RIN3: variants seen among roughly 807,000 people sequenced by gnomAD.
RIN3 encodes Ras and Rab interactor 3.
A neutral mutation model predicts 76.3 loss-of-function variants in RIN3; 54 were observed. That is an observed-to-expected ratio of 0.71 (90% CI 0.57 to 0.89). The LOEUF is 0.89. Ranked by LOEUF, RIN3 falls within the 40% of genes least tolerant of loss-of-function variation. RIN3 has a pLI of 0.00. For synonymous variants in RIN3, 576 were observed against 564.0 expected, an observed-to-expected ratio of 1.02 and a Z score of -0.30; for missense variants, 1,256 against 1,322.1, an observed-to-expected ratio of 0.95 and a Z score of 0.78.
intron 4 of RIN3, among the ~76,000 whole-genome samples, chr14:92,637,046 T>C (rs1243512827): frequency 2.0e-5 from 3 of 152,170 alleles, no homozygotes; most frequent in Non-Finnish European, 2.9e-5. Context: ...ACCACTTTCG[T>C]GGAAGACAAT....
In RIN3 at chr14:92,648,370, A is replaced by G; in HGVS notation, c.533-3212A>G. Among the ~76,000 whole-genome samples, 1 of 152,162 alleles carries G rather than the reference A, an allele frequency of 6.6e-6. No homozygotes were observed. Among genetic ancestry groups the G allele is most frequent in the African/African-American group, 2.4e-5 (1 of 41,446 alleles). ...AAAATCCACACCTGAGCAATGGGAA[A>G]TGTTGTCTTCTGTTCTGTGCCTAAT... On this transcript the variant is annotated intron_variant, in intron 5 of 9. Transcript: ENST00000216487. The surrounding 1 kb of genome is among the most constrained non-coding windows in gnomAD (Gnocchi z 4.1).
chr14:92,598,630 C>A (rs1885235134), intron 3 of RIN3, among the ~76,000 whole-genome samples: 1 of 152,148 alleles, frequency 6.6e-6, no homozygotes, highest in South Asian at 2.1e-4. Context: ...AGGATTTAAA[C>A]CCCAGAAACC....
chr14:92,563,475 C>T (rs1037559249), intron 2 of RIN3, among the ~76,000 whole-genome samples: 1 of 152,168 alleles, frequency 6.6e-6, no homozygotes, highest in African/African-American at 2.4e-5. Context: ...AGCACCATCT[C>T]TCATTTTTCC....
intron 3 of RIN3, among the ~76,000 whole-genome samples, chr14:92,588,456 C>A (rs1884860326): frequency 1.3e-5 from 2 of 151,904 alleles, no homozygotes; most frequent in Non-Finnish European, 2.9e-5. Context: ...GAATTCCCAA[C>A]CTCAGGTGAT....
Position 92,659,227 on chromosome 14 carries a change from G to T in RIN3, c.2093G>T (p.Cys698Phe). 2 of 1,614,188 alleles carry T rather than the reference G, an allele frequency of 1.2e-6. No individual in the cohort carries two copies. The highest frequency in any genetic ancestry group is 1.7e-6 in the Non-Finnish European group (2 of 1,180,024). ...CCCCTGAAGGAAGCCATCAACTCAT[G>T]CCTGCATCAGATCCACAGCAAGGAT... ...LKPLKEAINS[C>F]LHQIHSKDGS... is the part of the protein sequence containing the mutation. Residue 698 changes from cysteine (C) to phenylalanine (F), a missense_variant, in exon 7 of 10, where the codon TGC (cysteine) becomes TTC (phenylalanine). Cys to Phe is a radical substitution (Grantham distance 205). This residue lies in a region of RIN3 where 428 missense variants were observed against 521.2 expected (regional missense o/e 0.82). Coordinates refer to ENST00000216487, the MANE Select transcript of RIN3 (RefSeq NM_024832.5).
At chr14:92,650,740 C>T (rs75470196) in intron 5 of RIN3, among the ~76,000 whole-genome samples, 5,973 of 152,282 alleles carry the variant, frequency 0.039, 332 homozygotes, top group African/African-American at 0.12. Flanking sequence ...GAGCCTCCGT[C>T]AGATGCTTGG....
At chr14:92,657,646 G>A (rs12879040) in intron 6 of RIN3, among the ~76,000 whole-genome samples, 38,977 of 152,060 alleles carry the variant, frequency 0.26, 6,277 homozygotes, top group East Asian at 0.44. Context: ...CCAGGACAGT[G>A]GGGAAGTTCA....
chr14:92,566,836 G>A (rs751867873), intron 2 of RIN3, among the ~76,000 whole-genome samples: 9 of 152,102 alleles, frequency 5.9e-5, no homozygotes, highest in African/African-American at 9.7e-5. Flanking sequence ...CCCCTTTCCC[G>A]TCTCCTTACC....
At chr14:92,582,009 G>A (rs1418881759) in intron 3 of RIN3, among the ~76,000 whole-genome samples, 2 of 152,186 alleles carry the variant, frequency 1.3e-5, no homozygotes, top group East Asian at 3.8e-4. Context: ...TGGAGGACGA[G>A]GAAACTGATC....
rs1887279256 is a variant in RIN3 at position 92,648,370 on chromosome 14, ATGTTGTCTTCTGTTC to A, written c.533-3208_533-3194del. Among the ~76,000 whole-genome samples, 1 of 152,162 alleles carries A rather than the reference ATGTTGTCTTCTGTTC, an allele frequency of 6.6e-6. No individual in the cohort carries two copies. Among genetic ancestry groups the A allele is most frequent in the African/African-American group, 2.4e-5 (1 of 41,446 alleles). On this transcript the variant is annotated intron_variant, in intron 5 of 9. Coordinates refer to ENST00000216487, the MANE Select transcript of RIN3 (RefSeq NM_024832.5). This position sits in a 1 kb window ranked among gnomAD's most constrained non-coding sequence, Gnocchi z 4.1. ...AAAATCCACACCTGAGCAATGGGAA[ATGTTGTCTTCTGTTC>A]TGTGCCTAATGGAGCCATCCTGTCC...
chr14:92,685,393 G>A lies in RIN3; in HGVS notation c.2631+243G>A. ...ATTGGTGTTCTCCCTGGGCAAGCAG[G>A]AAGGGTGCAGGAGGAATGAGACACA... On this transcript the variant is annotated intron_variant, in intron 9 of 9. Transcript: ENST00000216487. This position sits in a 1 kb window ranked among gnomAD's most constrained non-coding sequence, Gnocchi z 4.7. The A allele has an allele frequency of 1.9e-6, 1 of 529,000 alleles. No homozygotes were observed. The highest frequency in any genetic ancestry group is 3.4e-6 in the Non-Finnish European group (1 of 292,108). 32.8% of individuals were successfully genotyped at this position (529,000 alleles called of 1,614,324 possible). A position where few individuals can be genotyped will look rare whatever the true frequency, so the allele number is the denominator to read the frequency against.
chr14:92,558,242 G>A lies in RIN3; in HGVS notation c.249+2287G>A, dbSNP rs572713176. On this transcript the variant is annotated intron_variant, in intron 2 of 9. Transcript: ENST00000216487. ...TGTGCACTTGTAATCCCAGCTATTC[G>A]GGAGGCTGAGGTGGGAGAATTACTT... 1.8e-4 allele frequency among the ~76,000 whole-genome samples: 28 copies of A among 152,214 alleles called. No individual in the cohort carries two copies. The South Asian group carries it at 3.5e-3, about 19-fold the overall frequency.
At chr14:92,658,295 C>T (rs571195522) in intron 6 of RIN3, among the ~76,000 whole-genome samples, 11 of 152,326 alleles carry the variant, frequency 7.2e-5, no homozygotes, top group South Asian at 6.2e-4. Context: ...GCCATGTGGA[C>T]GACTGCGAGG....
intron 3 of RIN3, among the ~76,000 whole-genome samples, chr14:92,578,918 T>G (rs1229565810): frequency 6.6e-6 from 1 of 152,060 alleles, no homozygotes; most frequent in African/African-American, 2.4e-5. Context: ...ATAATTTCTT[T>G]TATTCTTTTC....
intron 7 of RIN3, among the ~76,000 whole-genome samples, chr14:92,666,093 C>T (rs948997516): frequency 1.3e-5 from 2 of 148,514 alleles, no homozygotes; most frequent in African/African-American, 2.6e-5. Context: ...AGAAAACAGC[C>T]CTCCCTGTCC....
chr14:92,571,542 A>G lies in RIN3; in HGVS notation c.250-5818A>G, dbSNP rs75509386. Among the ~76,000 whole-genome samples, 23 of 152,278 alleles carry G rather than the reference A, an allele frequency of 1.5e-4. No individual in the cohort carries two copies. In the East Asian group the frequency reaches 4.2e-3, roughly 28 times the overall value. On this transcript the variant is annotated intron_variant, in intron 2 of 9. Transcript: ENST00000216487. ...TTTCACAACACTCACCCATACTCAC[A>G]CACACACACTCACTCACAATTTTCT...
intron 3 of RIN3, among the ~76,000 whole-genome samples, chr14:92,586,072 T>A (rs891071209): frequency 6.6e-6 from 1 of 152,206 alleles, no homozygotes; most frequent in Non-Finnish European, 1.5e-5. Context: ...ACTTTCCTCA[T>A]CTGCAACATG....
chr14:92,672,351 G>A lies in RIN3; in HGVS notation c.2336-4124G>A, dbSNP rs1566898554. Reference sequence around the variant, plus strand: ...CGCCTGAACCTGGGAGGTGAAGGTTGCGGTGAGCCGAGATCGTGCCACTGC... The same window carrying A: ...CGCCTGAACCTGGGAGGTGAAGGTTACGGTGAGCCGAGATCGTGCCACTGC... On this transcript the variant is annotated intron_variant, in intron 7 of 9. Transcript: ENST00000216487. 3.9e-5 allele frequency among the ~76,000 whole-genome samples: 6 copies of A among 152,306 alleles called. No individual in the cohort carries two copies. In the East Asian group the frequency reaches 1.2e-3, roughly 29 times the overall value.
At chr14:92,579,507 T>C (rs1898369620) in intron 3 of RIN3, among the ~76,000 whole-genome samples, 1 of 152,258 alleles carries the variant, frequency 6.6e-6, no homozygotes, top group African/African-American at 2.4e-5. Context: ...TCAATGGCTA[T>C]GTGTATACAT....
Sources: gnomAD v4.1 joint callset for allele counts (sites outside exome capture counted in the v4.1 genomes callset) on GRCh38, gnomAD v4.1.1 for gene constraint, gnomAD v4.1.1 regional missense constraint, Gnocchi (gnomAD v3.1) non-coding constraint, MANE v1.5 for transcripts, NCBI Gene and HGNC (gene_info 2026-07-23, HGNC 2026-07-21) for gene names.